Variants in RFX2 observed in about 807,000 individuals in gnomAD.
RFX2 encodes the protein DNA-binding protein RFX2.
RFX2 carries 20 observed loss-of-function variants against 87.8 expected under a neutral mutation model. The ratio of observed to expected loss-of-function variants is 0.23; its 90% confidence interval spans 0.16 to 0.33. The LOEUF (loss-of-function observed/expected upper bound fraction) is 0.33. Ranked by LOEUF, RFX2 falls within the 10% of genes least tolerant of loss-of-function variation. RFX2 has a pLI of 1.00. For synonymous variants in RFX2, 397 were observed against 431.3 expected (o/e 0.92, Z 0.98); for missense variants, 767 against 1,012.3 (o/e 0.76, Z 3.29).
chr19:6,046,394 A>C (rs1444940790), intron 2 of RFX2, among the ~76,000 whole-genome samples: 2 of 152,026 alleles, frequency 1.3e-5, no homozygotes, highest in African/African-American at 4.8e-5. Flanking sequence ...CAGCCTGGCC[A>C]ACATGGTGAA....
chr19:6,051,724 C>A (rs1286769147), intron 1 of RFX2, among the ~76,000 whole-genome samples: 2 of 152,086 alleles, frequency 1.3e-5, no homozygotes, highest in African/African-American at 4.8e-5. Flanking sequence ...AGACTAAATT[C>A]TTGAATGAAA....
intron 7 of RFX2, among the ~76,000 whole-genome samples, chr19:6,015,612 C>T (rs1427478392): frequency 6.6e-6 from 1 of 151,956 alleles, no homozygotes; most frequent in African/African-American, 2.4e-5. Context: ...TCTCAGTCTC[C>T]CAAATAGGTG....
chr19:6,049,487 C>T (rs1233411457), intron 1 of RFX2, among the ~76,000 whole-genome samples: 3 of 152,212 alleles, frequency 2.0e-5, no homozygotes, highest in South Asian at 2.1e-4. Flanking sequence ...GCAAGTTGTT[C>T]CACATCACAG....
At chr19:6,059,206 C>T (rs2087392833) in intron 1 of RFX2, among the ~76,000 whole-genome samples, 1 of 152,132 alleles carries the variant, frequency 6.6e-6, no homozygotes, top group Non-Finnish European at 1.5e-5. Flanking sequence ...TCTCGAACTC[C>T]TGGACTGAAG....
Position 6,063,192 on chromosome 19 carries a change from G to T in RFX2, c.-8-15688C>A, listed in dbSNP as rs509079. On this transcript the variant is annotated intron_variant, in intron 1 of 17. Coordinates refer to ENST00000303657, the MANE Select transcript of RFX2 (RefSeq NM_000635.4). The surrounding 1 kb of genome is among the most constrained non-coding windows in gnomAD (Gnocchi z 4.0). ...GCCGGGCTTCCTCTGATTCCGGATG[G>T]AGTGTTTAAATGAGATGTCCACACA... is the stretch of plus-strand genomic sequence containing the variant. Among the ~76,000 whole-genome samples the T allele has an allele frequency of 0.015, 2,327 of 152,272 alleles. 44 individuals are homozygous for T. The highest frequency in any genetic ancestry group is 0.053 in the African/African-American group (2,183 of 41,526).
At chr19:6,037,289 GAAA>G (rs57278741) in intron 5 of RFX2, among the ~76,000 whole-genome samples, 1 of 102,414 alleles carries the variant, frequency 9.8e-6, no homozygotes, top group African/African-American at 3.5e-5. Context: ...GTCTCAAAAA[GAAA>G]AAAAAAAAAA....
chr19:6,058,466 G>A (rs1231938552), intron 1 of RFX2, among the ~76,000 whole-genome samples: 1 of 152,170 alleles, frequency 6.6e-6, no homozygotes, highest in Non-Finnish European at 1.5e-5. Flanking sequence ...GGCAAGGAGT[G>A]TGAAATAAAT....
chr19:6,040,038 C>T lies in RFX2; in HGVS notation c.464G>A (p.Gly155Glu), dbSNP rs1242950539. ...VSSAGAYLIH[G>E]GMDSTRHSLA... ...GGAGTGTCTGGTGCTGTCCATCCCCCCGTGGATGAGATAGGCTCCCGCGCT... is the reference window on the plus strand; with the variant it reads ...GGAGTGTCTGGTGCTGTCCATCCCCTCGTGGATGAGATAGGCTCCCGCGCT... Residue 155 changes from glycine (G) to glutamate (E), a missense_variant, in exon 5 of 18, where the codon GGG becomes GAG. Physicochemically the swap from Gly to Glu is moderately conservative, Grantham distance 98. Around this residue, in one of 2 missense-constraint regions of RFX2, gnomAD observed 621 missense variants for 873.0 expected, o/e 0.71. Coordinates refer to ENST00000303657, the MANE Select transcript of RFX2 (RefSeq NM_000635.4). The surrounding 1 kb of genome is among the most constrained non-coding windows in gnomAD (Gnocchi z 6.1). 1 of 1,609,974 alleles carries T rather than the reference C, an allele frequency of 6.2e-7. No homozygotes were observed. Among genetic ancestry groups the T allele is most frequent in the South Asian group, 1.1e-5 (1 of 90,824 alleles).
intron 5 of RFX2, among the ~76,000 whole-genome samples, chr19:6,036,065 C>G (rs1351664164): frequency 6.6e-6 from 1 of 152,188 alleles, no homozygotes; most frequent in Non-Finnish European, 1.5e-5. Flanking sequence ...AAATTTGTGA[C>G]TTGCAATCCT....
intron 3 of RFX2, among the ~76,000 whole-genome samples, chr19:6,043,302 C>T (rs1291787126): frequency 2.0e-5 from 3 of 152,230 alleles, no homozygotes; most frequent in Non-Finnish European, 2.9e-5. Context: ...CCCGCTGGGC[C>T]TGTCTGGAGC....
chr19:6,022,425 C>A lies in RFX2; in HGVS notation c.597+3738G>T, dbSNP rs758490643. Among the ~76,000 whole-genome samples the A allele has an allele frequency of 6.6e-6, 1 of 152,214 alleles. No individual in the cohort carries two copies. Among genetic ancestry groups the A allele is most frequent in the Non-Finnish European group, 1.5e-5 (1 of 68,034 alleles). On this transcript the variant is annotated intron_variant, in intron 6 of 17. Transcript: ENST00000303657. This position sits in a 1 kb window ranked among gnomAD's most constrained non-coding sequence, Gnocchi z 6.2. ...GACTCTTCCACACGCAGCTCTCTCC[C>A]GCAGGGTGTGCAAGTGATGTGTTTA...
chr19:6,026,112 G>A lies in RFX2; in HGVS notation c.597+51C>T. On this transcript the variant is annotated intron_variant, in intron 6 of 17. Transcript: ENST00000303657. The surrounding 1 kb of genome is among the most constrained non-coding windows in gnomAD (Gnocchi z 4.5). ...CTTCATTTGTCTTAAAAATGTCTAT[G>A]CAGGTTACAAGCAGAGCAGGGACAG... 6.8e-7 allele frequency: 1 copy of A among 1,468,236 alleles called. No individual in the cohort carries two copies. Among genetic ancestry groups the A allele is most frequent in the Non-Finnish European group, 9.5e-7 (1 of 1,052,618 alleles). 91.0% of individuals were successfully genotyped at this position (1,468,236 alleles called of 1,614,324 possible). A position where few individuals can be genotyped will look rare whatever the true frequency, so the allele number is the denominator to read the frequency against.
Position 6,021,809 on chromosome 19 carries a change from C to T in RFX2, c.597+4354G>A, listed in dbSNP as rs1302141987. Among the ~76,000 whole-genome samples, 2 of 152,166 alleles carry T rather than the reference C, an allele frequency of 1.3e-5. No homozygotes were observed. Among genetic ancestry groups the T allele is most frequent in the Non-Finnish European group, 2.9e-5 (2 of 68,024 alleles). On this transcript the variant is annotated intron_variant, in intron 6 of 17. Transcript: ENST00000303657. This position sits in a 1 kb window ranked among gnomAD's most constrained non-coding sequence, Gnocchi z 5.7. ...GAGGCTTCCAAGCAGAGCAGTGTGG[C>T]GATCTGACCTGGGTTTTAGCAGGAT...
Position 6,047,340 on chromosome 19 carries a change from C to G in RFX2, c.90+67G>C, listed in dbSNP as rs111611434. On this transcript the variant is annotated intron_variant, in intron 2 of 17. Transcript: ENST00000303657. The surrounding 1 kb of genome is among the most constrained non-coding windows in gnomAD (Gnocchi z 4.2). ...TTCCTCTCTTTGCAGATCTGAGCAG[C>G]TTTCAAACCCATAGAGATCGCGTCC... The G allele has an allele frequency of 6.2e-6, 8 of 1,281,328 alleles. No individual in the cohort carries two copies. The highest frequency in any genetic ancestry group is 3.7e-4 in the Middle Eastern group (2 of 5,374). The allele number at this position is 1,281,328 out of a possible 1,614,324, so 79.4% of individuals were successfully genotyped here. A position where few individuals can be genotyped will look rare whatever the true frequency, so the allele number is the denominator to read the frequency against.
chr19:6,013,030 C>T lies in RFX2; in HGVS notation c.855G>A (p.Thr285=), dbSNP rs1599851148. The T allele has an allele frequency of 1.2e-6, 2 of 1,602,638 alleles. No individual in the cohort carries two copies. ...DSPLNRLQED[T]QYMAMRQQPM... ...GCTGCTGCCGCATGGCCATGTACTGCGTGTCCTCCTGCAGCCGGTTCAGTG... is the reference window on the plus strand; with the variant it reads ...GCTGCTGCCGCATGGCCATGTACTGTGTGTCCTCCTGCAGCCGGTTCAGTG... Residue 285 remains threonine (T), a synonymous_variant, in exon 8 of 18, where the codon ACG becomes ACA. Coordinates refer to ENST00000303657, the MANE Select transcript of RFX2 (RefSeq NM_000635.4). The surrounding 1 kb of genome is among the most constrained non-coding windows in gnomAD (Gnocchi z 4.1).
rs577821655 is a variant in RFX2, at chr19:5,997,863, G to T, written c.1860-650C>A. Among the ~76,000 whole-genome samples, 3 of 152,328 alleles carry T rather than the reference G, an allele frequency of 2.0e-5. No individual in the cohort carries two copies. Among genetic ancestry groups the T allele is most frequent in the East Asian group, 1.9e-4 (1 of 5,196 alleles). On this transcript the variant is annotated intron_variant, in intron 15 of 17. Coordinates refer to ENST00000303657, the MANE Select transcript of RFX2 (RefSeq NM_000635.4). This position sits in a 1 kb window ranked among gnomAD's most constrained non-coding sequence, Gnocchi z 4.2. Reference sequence around the variant, plus strand: ...AAAGAATAATTATATTCGGTGGCACGTGGAAATTACATGAAATTCACATTT... The same window carrying T: ...AAAGAATAATTATATTCGGTGGCACTTGGAAATTACATGAAATTCACATTT...
chr19:6,046,605 C>CTTTTTTTTT (rs55854937), intron 2 of RFX2, among the ~76,000 whole-genome samples: 12 of 90,588 alleles, frequency 1.3e-4, no homozygotes, highest in East Asian at 2.9e-4. Flanking sequence ...GCCTTTTTGC[C>CTTTTTTTTT]TTTTTTTTTT....
rs1270479881 is a variant in RFX2 at position 6,023,174 on chromosome 19, T to G, written c.597+2989A>C. On this transcript the variant is annotated intron_variant, in intron 6 of 17. Transcript: ENST00000303657. The surrounding 1 kb of genome is among the most constrained non-coding windows in gnomAD (Gnocchi z 4.9). The stretch of plus-strand genomic sequence containing the variant: ...CAAGGAAGAGGCGCACAGGCCCTGC[T>G]GCTGGGGCGACCTGCCTGGGGCTGT... 1 of 152,786 alleles carries G rather than the reference T, an allele frequency of 6.5e-6. No homozygotes were observed. The highest frequency in any genetic ancestry group is 1.5e-5 in the Non-Finnish European group (1 of 68,496). The allele number at this position is 152,786 out of a possible 1,614,324, so 9.5% of individuals were successfully genotyped here.
rs1396068166 is a variant in RFX2 at position 6,010,099 on chromosome 19, T to C, written c.1015+37A>G. The C allele has an allele frequency of 1.5e-6, 2 of 1,356,564 alleles. No individual in the cohort carries two copies. Among genetic ancestry groups the C allele is most frequent in the African/African-American group, 1.4e-5 (1 of 69,430 alleles). The allele number at this position is 1,356,564 out of a possible 1,614,324, so 84.0% of individuals were successfully genotyped here. ...GAAACCCAGGAGTGTGGCGAGCAGA[T>C]GGGAGCCCCGCCCCCGGGCCTGACC... is the stretch of plus-strand genomic sequence containing the variant. On this transcript the variant is annotated intron_variant, in intron 9 of 17. Coordinates refer to ENST00000303657, the MANE Select transcript of RFX2 (RefSeq NM_000635.4). This position sits in a 1 kb window ranked among gnomAD's most constrained non-coding sequence, Gnocchi z 5.0.
Sources: allele counts gnomAD v4.1 joint callset (sites outside exome capture counted in the v4.1 genomes callset), GRCh38; gene constraint gnomAD v4.1.1; regional missense constraint gnomAD v4.1.1; non-coding constraint Gnocchi (gnomAD v3.1); transcripts MANE v1.5; gene names NCBI Gene and HGNC (gene_info 2026-07-23, HGNC 2026-07-21).